Variants in HIP1 observed in about 807,000 individuals in gnomAD.
The protein encoded by HIP1 is huntingtin-interacting protein 1.
Under a neutral mutation model 147.6 loss-of-function variants are expected in HIP1, and 65 were observed. That is an observed-to-expected ratio of 0.44 (90% CI 0.36 to 0.54). The LOEUF (loss-of-function observed/expected upper bound fraction) is 0.54. HIP1 is among the 20% of genes least tolerant of loss of function. The pLI, the probability that HIP1 is intolerant of heterozygous loss-of-function variation, is 0.00. For missense variants in HIP1, 1,061 were observed against 1,299.6 expected, an observed-to-expected ratio of 0.82 and a Z score of 2.82; for synonymous variants, 479 against 504.0, an observed-to-expected ratio of 0.95 and a Z score of 0.67.
intron 7 of HIP1, among the ~76,000 whole-genome samples, chr7:75,574,487 G>C (rs1795766764): frequency 6.6e-6 from 1 of 151,604 alleles, no homozygotes; most frequent in African/African-American, 2.4e-5. Flanking sequence ...TACTCGGGAG[G>C]CTGAGGCAGG....
chr7:75,553,991 C>A (rs1318611958), intron 21 of HIP1, 122 bp downstream of exon 21: 1 of 674,276 alleles, frequency 1.5e-6, no homozygotes, highest in Non-Finnish European at 2.6e-6. Context: ...GTGATCTGCC[C>A]GCCTCAGCCT....
intron 1 of HIP1, among the ~76,000 whole-genome samples, chr7:75,660,725 T>A (rs1799284518): frequency 6.6e-6 from 1 of 152,056 alleles, no homozygotes; most frequent in African/African-American, 2.4e-5. Flanking sequence ...TTCCAGCTCT[T>A]TCCATCGTGC....
intron 1 of HIP1, among the ~76,000 whole-genome samples, chr7:75,618,934 G>A (rs770342172): frequency 1.1e-3 from 168 of 151,998 alleles, no homozygotes; most frequent in Non-Finnish European, 2.0e-3. Flanking sequence ...GGGCTCCAGT[G>A]AGCCTCCCAC....
At chr7:75,699,570 C>T (rs781861120) in intron 1 of HIP1, among the ~76,000 whole-genome samples, 1 of 152,132 alleles carries the variant, frequency 6.6e-6, no homozygotes, top group African/African-American at 2.4e-5. Flanking sequence ...TTAAAGAACA[C>T]GGCACGGGCC....
chr7:75,611,296 G>A (rs1245734646), intron 1 of HIP1, among the ~76,000 whole-genome samples: 1 of 151,818 alleles, frequency 6.6e-6, no homozygotes, highest in East Asian at 2.0e-4. Context: ...GCAAAACCTT[G>A]TCTCTACCAA....
chr7:75,711,532 A>G lies in HIP1; in HGVS notation c.120+27269T>C, dbSNP rs149622969. On this transcript the variant is annotated intron_variant, in intron 1 of 30. Coordinates refer to ENST00000336926, the MANE Select transcript of HIP1 (RefSeq NM_005338.7). ...AAGAGATACAAGTTCAGCCTCAAGG[A>G]AAGTTCAGAACTCCTAGGATAGTCC... Among the ~76,000 whole-genome samples, 948 of 152,322 alleles carry G rather than the reference A, an allele frequency of 6.2e-3. 16 individuals carry two copies. Among genetic ancestry groups the G allele is most frequent in the African/African-American group, 0.021 (882 of 41,572 alleles).
chr7:75,668,814 G>A (rs557857913), intron 1 of HIP1, among the ~76,000 whole-genome samples: 1 of 152,298 alleles, frequency 6.6e-6, no homozygotes, highest in African/African-American at 2.4e-5. Flanking sequence ...ATATAACTCA[G>A]ACACCATAGA....
chr7:75,738,697 G>T, intron 1 of HIP1, 104 bp downstream of exon 1: 1 of 1,341,280 alleles, frequency 7.5e-7, no homozygotes, highest in East Asian at 2.6e-5. Flanking sequence ...CCCTCGCCCC[G>T]TCTTCAACTG....
chr7:75,587,894 G>C (rs1456758967), intron 4 of HIP1, among the ~76,000 whole-genome samples: 1 of 152,200 alleles, frequency 6.6e-6, no homozygotes, highest in East Asian at 1.9e-4. Context: ...AGCCCAGGAA[G>C]TTGAGGCTGC....
At chr7:75,580,278 G>A (rs1563217827) in intron 7 of HIP1, among the ~76,000 whole-genome samples, 1 of 152,212 alleles carries the variant, frequency 6.6e-6, no homozygotes, top group Admixed American at 6.5e-5. Flanking sequence ...CCGAGTAGCA[G>A]ACAAGACTGG....
chr7:75,659,515 G>A (rs1799240145), intron 1 of HIP1, among the ~76,000 whole-genome samples: 1 of 152,118 alleles, frequency 6.6e-6, no homozygotes, highest in Admixed American at 6.6e-5. Context: ...CAGGTATGGT[G>A]GCGCACGCCT....
intron 22 of HIP1, among the ~76,000 whole-genome samples, chr7:75,553,059 C>T (rs957067289): frequency 7.2e-5 from 11 of 152,020 alleles, no homozygotes; most frequent in African/African-American, 2.4e-4. Flanking sequence ...TTGACTCCAC[C>T]TCCCAGTACC....
At chr7:75,600,027 G>A (rs1288841130) in intron 1 of HIP1, among the ~76,000 whole-genome samples, 3 of 151,794 alleles carry the variant, frequency 2.0e-5, no homozygotes, top group East Asian at 1.9e-4. Flanking sequence ...GTAGAGACGT[G>A]GTTTCACCAT....
In HIP1 at chr7:75,555,410, G is replaced by A. The variant is rs782640703; in HGVS notation, c.1963+6C>T. The A allele has an allele frequency of 6.2e-7, 1 of 1,613,298 alleles. No individual in the cohort carries two copies. Among genetic ancestry groups the A allele is most frequent in the Non-Finnish European group, 8.5e-7 (1 of 1,180,008 alleles). ...GCCCCTGCCAGCTGGGCAATTGCAA[G>A]TGTACCTGCAGACCCAGCGCAGCTG... On this transcript the variant is annotated splice_donor_region_variant and intron_variant, in intron 19 of 30. Coordinates refer to ENST00000336926, the MANE Select transcript of HIP1 (RefSeq NM_005338.7).
intron 13 of HIP1, among the ~76,000 whole-genome samples, chr7:75,560,888 C>A (rs1423455430): frequency 6.6e-6 from 1 of 152,042 alleles, no homozygotes; most frequent in African/African-American, 2.4e-5. Context: ...CACCACCACG[C>A]CTGGCTTGTT....
chr7:75,734,858 T>C (rs1483905282), intron 1 of HIP1, among the ~76,000 whole-genome samples: 3 of 152,190 alleles, frequency 2.0e-5, no homozygotes, highest in African/African-American at 7.2e-5. Context: ...TGCTACAAGA[T>C]GTGCTTCAGT....
chr7:75,732,774 T>C (rs904191331), intron 1 of HIP1, among the ~76,000 whole-genome samples: 10 of 152,162 alleles, frequency 6.6e-5, no homozygotes, highest in Admixed American at 2.6e-4. Context: ...GCACTGTTGC[T>C]CAAACATCAG....
intron 1 of HIP1, among the ~76,000 whole-genome samples, chr7:75,613,321 G>A (rs764782807): frequency 6.6e-6 from 1 of 152,054 alleles, no homozygotes; most frequent in South Asian, 2.1e-4. Context: ...CGTCCCCACC[G>A]TGGGGAGCCT....
chr7:75,711,703 G>A (rs1801170237), intron 1 of HIP1, among the ~76,000 whole-genome samples: 1 of 152,198 alleles, frequency 6.6e-6, no homozygotes, highest in African/African-American at 2.4e-5. Flanking sequence ...TCCAGGGAAG[G>A]CATGAGTGGA....
Sources: gnomAD v4.1 joint callset for allele counts (sites outside exome capture counted in the v4.1 genomes callset) on GRCh38, gnomAD v4.1.1 for gene constraint, MANE v1.5 for transcripts, NCBI Gene and HGNC (gene_info 2026-07-23, HGNC 2026-07-21) for gene names.